Variants in MCF2L2 observed in about 807,000 individuals in gnomAD.
MCF2L2 encodes the protein probable guanine nucleotide exchange factor MCF2L2.
In MCF2L2, 102 loss-of-function variants were observed where a neutral mutation model predicts 150.2. That is an observed-to-expected ratio of 0.68 (90% CI 0.58 to 0.80). The LOEUF (loss-of-function observed/expected upper bound fraction) is 0.80, where lower values mean the gene tolerates loss of function less well. Ranked by LOEUF, MCF2L2 falls within the 30% of genes least tolerant of loss-of-function variation. MCF2L2 has a pLI of 0.00. For synonymous variants in MCF2L2, 465 were observed against 491.3 expected, an observed-to-expected ratio of 0.95 and a Z score of 0.71; for missense variants, 1,256 against 1,372.8, an observed-to-expected ratio of 0.91 and a Z score of 1.34.
At chr3:183,427,774 G>T in intron 1 of MCF2L2, 128 bp downstream of exon 1, 1 of 798,536 alleles carries the variant, frequency 1.3e-6, no homozygotes. Flanking sequence ...GCGAGGCCCA[G>T]ATGCCGGGCA....
chr3:183,316,575 C>T (rs192467819), intron 7 of MCF2L2, among the ~76,000 whole-genome samples: 1 of 152,060 alleles, frequency 6.6e-6, no homozygotes, highest in Admixed American at 6.6e-5. Flanking sequence ...GAACTCCTGA[C>T]CTCAGGTGAT....
chr3:183,260,530 A>G (rs1385554640), intron 15 of MCF2L2, among the ~76,000 whole-genome samples: 3 of 152,144 alleles, frequency 2.0e-5, no homozygotes, highest in African/African-American at 7.2e-5. Context: ...GCATAATCAA[A>G]CTGGTTACTG....
At chr3:183,286,963 G>A (rs985668290) in intron 14 of MCF2L2, among the ~76,000 whole-genome samples, 2 of 152,194 alleles carry the variant, frequency 1.3e-5, no homozygotes, top group Non-Finnish European at 2.9e-5. Flanking sequence ...ATACTGTTTG[G>A]TGAGTTGCCT....
At chr3:183,310,894 C>T (rs750755991) in intron 9 of MCF2L2, 21 bp downstream of exon 9, 8 of 1,539,366 alleles carry the variant, frequency 5.2e-6, no homozygotes, top group Non-Finnish European at 7.2e-6. Context: ...AAGAAAGTTA[C>T]AGTAAACAAG....
intron 5 of MCF2L2, among the ~76,000 whole-genome samples, chr3:183,326,890 A>C (rs1371192590): frequency 1.3e-5 from 2 of 152,208 alleles, no homozygotes; most frequent in African/African-American, 4.8e-5. Context: ...TTTTTTACAA[A>C]GGTGCAAAGG....
intron 26 of MCF2L2, among the ~76,000 whole-genome samples, chr3:183,193,671 C>T (rs1721987021): frequency 1.3e-5 from 2 of 152,162 alleles, no homozygotes; most frequent in Admixed American, 1.3e-4. Flanking sequence ...GAATAATCCC[C>T]TTTGTCTTCT....
intron 2 of MCF2L2, among the ~76,000 whole-genome samples, chr3:183,380,950 C>T (rs1406673915): frequency 6.6e-6 from 1 of 151,964 alleles, no homozygotes; most frequent in East Asian, 1.9e-4. Context: ...TTTCAAACAG[C>T]TACTAAGTTG....
At chr3:183,258,708 T>C (rs562328605) in intron 15 of MCF2L2, among the ~76,000 whole-genome samples, 1 of 152,168 alleles carries the variant, frequency 6.6e-6, no homozygotes, top group Non-Finnish European at 1.5e-5. Context: ...ATTTATATTA[T>C]AACCTATGCA....
chr3:183,379,160 A>G, intron 3 of MCF2L2, 137 bp downstream of exon 3: 1 of 571,248 alleles, frequency 1.8e-6, no homozygotes. Flanking sequence ...CTGATGGGTG[A>G]CAGAAGCCAG....
At chr3:183,379,048 C>T (rs947383826) in intron 3 of MCF2L2, 10 of 419,650 alleles carry the variant, frequency 2.4e-5, no homozygotes, top group African/African-American at 2.1e-4. Context: ...TTTCCATCCA[C>T]CCGACCATGT....
Position 183,300,058 on chromosome 3 carries a change from T to C in MCF2L2, c.1252A>G (p.Lys418Glu). Residue 418 changes from lysine to glutamate, a missense_variant, in exon 11 of 30, where the codon AAA becomes GAA. Coordinates refer to ENST00000328913, the MANE Select transcript of MCF2L2 (RefSeq NM_015078.4). ...GACTTTCCTAAAATGTCCCATTTTT[T>C]CTTGTTTCCATTGATGAAATCGTCA... ...LCDDFINGNKKKWDILGKSLE... is the reference protein window; with the variant it reads ...LCDDFINGNKEKWDILGKSLE... The C allele has an allele frequency of 6.2e-7, 1 of 1,613,938 alleles. No individual in the cohort carries two copies. The highest frequency in any genetic ancestry group is 8.5e-7 in the Non-Finnish European group (1 of 1,179,938).
rs772617781 is a variant in MCF2L2 at position 183,193,118 on chromosome 3, T to C, written c.2919-22A>G. ...TTTGCTTTAGAGAAATAAACATGAATATTGAGTCACTGGAAGGAATGACAC... is the reference window on the plus strand; with the variant it reads ...TTTGCTTTAGAGAAATAAACATGAACATTGAGTCACTGGAAGGAATGACAC... On this transcript the variant is annotated intron_variant, in intron 26 of 29. Coordinates refer to ENST00000328913, the MANE Select transcript of MCF2L2 (RefSeq NM_015078.4). The C allele has an allele frequency of 1.9e-6, 3 of 1,594,634 alleles. No homozygotes were observed. The South Asian group carries it at 3.3e-5, about 18-fold the overall frequency.
In MCF2L2 at chr3:183,270,278, C is replaced by T. The variant is rs1335770040; in HGVS notation, c.1862+6594G>A. On this transcript the variant is annotated intron_variant, in intron 15 of 29. Transcript: ENST00000328913. The surrounding 1 kb of genome is among the most constrained non-coding windows in gnomAD (Gnocchi z 4.5). Reference sequence around the variant, plus strand: ...GGTACAATGATATAATTCAGCAAGACTTTGTTGATTCTTTCTACAATCTTA... The same window carrying T: ...GGTACAATGATATAATTCAGCAAGATTTTGTTGATTCTTTCTACAATCTTA... 1 of 1,614,158 alleles carries T rather than the reference C, an allele frequency of 6.2e-7. No individual in the cohort carries two copies. The highest frequency in any genetic ancestry group is 1.7e-5 in the Admixed American group (1 of 60,026).
At chr3:183,412,699 CCTTTT>C (rs1432984236) in intron 1 of MCF2L2, among the ~76,000 whole-genome samples, 2 of 152,068 alleles carry the variant, frequency 1.3e-5, no homozygotes, top group African/African-American at 4.8e-5. Flanking sequence ...AATCTGGATG[CCTTTT>C]ATTTTTTTTA....
chr3:183,219,543 A>G lies in MCF2L2; in HGVS notation c.2370+313T>C, dbSNP rs933770027. On this transcript the variant is annotated intron_variant, in intron 21 of 29. Transcript: ENST00000328913. ...GGAGAATCGCTTGAACCCGGGAGGCAGAGGTTGCAGTGAGCCAAGATTGCA... is the reference window on the plus strand; with the variant it reads ...GGAGAATCGCTTGAACCCGGGAGGCGGAGGTTGCAGTGAGCCAAGATTGCA... 1.2e-4 allele frequency among the ~76,000 whole-genome samples: 18 copies of G among 152,000 alleles called. No individual in the cohort carries two copies. The East Asian group carries it at 1.5e-3, about 13-fold the overall frequency.
chr3:183,280,503 T>C (rs1278065141), intron 14 of MCF2L2, among the ~76,000 whole-genome samples: 1 of 152,204 alleles, frequency 6.6e-6, no homozygotes, highest in Non-Finnish European at 1.5e-5. Context: ...GATTTTACTT[T>C]GTGATTTTAG....
chr3:183,295,276 GCTT>G (rs1478026909), intron 13 of MCF2L2, 21 bp downstream of exon 13: 1 of 1,583,996 alleles, frequency 6.3e-7, no homozygotes, highest in Middle Eastern at 2.1e-4. Flanking sequence ...AAGCCACAAA[GCTT>G]CTTTTCCTCA....
At chr3:183,226,832 T>A (rs962653455) in intron 18 of MCF2L2, 1 of 152,234 alleles carries the variant, frequency 6.6e-6, no homozygotes, top group Non-Finnish European at 1.5e-5. Context: ...AAAGCACTAA[T>A]AATGTAATAG....
chr3:183,327,335 T>A (rs1472879327), intron 5 of MCF2L2, among the ~76,000 whole-genome samples: 3 of 150,958 alleles, frequency 2.0e-5, no homozygotes, highest in Admixed American at 6.6e-5. Context: ...AAAAAATAAA[T>A]AAAAATAAAT....
Sources: allele counts gnomAD v4.1 joint callset (sites outside exome capture counted in the v4.1 genomes callset), GRCh38; gene constraint gnomAD v4.1.1; non-coding constraint Gnocchi (gnomAD v3.1); transcripts MANE v1.5; gene names NCBI Gene and HGNC (gene_info 2026-07-23, HGNC 2026-07-21).